Variants in NEDD4L observed in about 807,000 individuals in gnomAD.
NEDD4L encodes the protein E3 ubiquitin-protein ligase NEDD4-like.
NEDD4L carries 54 observed loss-of-function variants against 148.9 expected under a neutral mutation model. The observed-to-expected ratio is 0.36, with a 90% confidence interval of 0.29 to 0.45. The LOEUF (loss-of-function observed/expected upper bound fraction) is 0.45, where lower values mean the gene tolerates loss of function less well. NEDD4L is among the 20% of genes least tolerant of loss of function. The pLI, the probability that NEDD4L is intolerant of heterozygous loss-of-function variation, is 1.00. For synonymous variants in NEDD4L, 433 were observed against 440.7 expected (o/e 0.98, Z 0.22); for missense variants, 856 against 1,233.8 (o/e 0.69, Z 4.59).
At chr18:58,276,831 A>G (rs1263606426) in intron 5 of NEDD4L, among the ~76,000 whole-genome samples, 2 of 152,134 alleles carry the variant, frequency 1.3e-5, no homozygotes, top group African/African-American at 4.8e-5. Context: ...AAAGCCTTCC[A>G]TCTGCACTTG....
At chr18:58,352,973 G>A (rs2044107390) in intron 18 of NEDD4L, among the ~76,000 whole-genome samples, 1 of 152,242 alleles carries the variant, frequency 6.6e-6, no homozygotes, top group Admixed American at 6.5e-5. Flanking sequence ...TATTTCACTT[G>A]TGGTGTCATA....
chr18:58,385,812 C>T (rs960978260), intron 26 of NEDD4L, among the ~76,000 whole-genome samples: 1 of 151,960 alleles, frequency 6.6e-6, no homozygotes, highest in Admixed American at 6.6e-5. Context: ...ACGGGTTCTC[C>T]TGCTTGACTT....
In NEDD4L at chr18:58,397,828, G is replaced by A. The variant is rs138912535; in HGVS notation, c.*1559G>A. 3 of 152,602 alleles carry A rather than the reference G, an allele frequency of 2.0e-5. No individual in the cohort carries two copies. The highest frequency in any genetic ancestry group is 2.9e-5 in the Non-Finnish European group (2 of 68,042). The allele number at this position is 152,602 out of a possible 1,614,324, so 9.5% of individuals were successfully genotyped here. On this transcript the variant is annotated 3_prime_UTR_variant, in exon 31 of 31. Transcript: ENST00000400345. ...GACCCTGCTGTCCTTTTTAACCTGT[G>A]TTGTCCTAGACCCTGTCGGGGCAGT... is the stretch of plus-strand genomic sequence containing the variant.
intron 1 of NEDD4L, chr18:58,045,865 C>T (rs966953699): frequency 1.6e-4 from 24 of 152,278 alleles, no homozygotes; most frequent in African/African-American, 5.3e-4. Flanking sequence ...TCTCTTTCTT[C>T]CCCTCCCTCC....
intron 1 of NEDD4L, among the ~76,000 whole-genome samples, chr18:58,089,777 A>G (rs564739351): frequency 6.1e-4 from 92 of 151,636 alleles, no homozygotes; most frequent in African/African-American, 2.1e-3. Flanking sequence ...GCTCCCAGAC[A>G]GTCATCTTCT....
intron 2 of NEDD4L, among the ~76,000 whole-genome samples, chr18:58,206,164 G>A (rs189134978): frequency 7.2e-5 from 11 of 152,230 alleles, no homozygotes; most frequent in Middle Eastern, 3.4e-3. Flanking sequence ...CGAGGCAGGC[G>A]GATCACCTGA....
rs149256907 is a variant in NEDD4L at position 58,251,947 on chromosome 18, C to T, written c.244-54C>T. ...ATGTTATTCTTTCTGTTCCTTACGT[C>T]GCTGTTCAAATGATTCCTGCTCGTT... On this transcript the variant is annotated intron_variant, in intron 4 of 30. Coordinates refer to ENST00000400345, the MANE Select transcript of NEDD4L (RefSeq NM_001144967.3). 73 of 949,234 alleles carry T rather than the reference C, an allele frequency of 7.7e-5. 1 individual carries two copies. In the East Asian group the frequency reaches 1.6e-3, roughly 21 times the overall value. The allele number at this position is 949,234 out of a possible 1,614,324, so 58.8% of individuals were successfully genotyped here.
intron 2 of NEDD4L, among the ~76,000 whole-genome samples, chr18:58,173,662 C>G (rs77804546): frequency 0.011 from 1,702 of 152,214 alleles, 30 homozygotes; most frequent in African/African-American, 0.039. Flanking sequence ...CTGAAGTATT[C>G]AGAAGTGAAT....
intron 2 of NEDD4L, among the ~76,000 whole-genome samples, chr18:58,181,080 G>A (rs1027984722): frequency 8.5e-5 from 13 of 152,210 alleles, no homozygotes; most frequent in East Asian, 1.9e-4. Context: ...AGCCATTCTC[G>A]AATAGTGACA....
chr18:58,341,514 TC>T (rs2042417867), intron 14 of NEDD4L, among the ~76,000 whole-genome samples, 163 bp from the exon 15 acceptor site: 1 of 152,188 alleles, frequency 6.6e-6, no homozygotes, highest in African/African-American at 2.4e-5. Context: ...TGAATGTGTT[TC>T]CCCATCCTTT....
chr18:58,053,224 G>A (rs886772492), intron 1 of NEDD4L, among the ~76,000 whole-genome samples: 1 of 152,178 alleles, frequency 6.6e-6, no homozygotes, highest in East Asian at 1.9e-4. Flanking sequence ...GGCAGAGACC[G>A]TGTTCCCTGT....
intron 2 of NEDD4L, among the ~76,000 whole-genome samples, chr18:58,227,537 C>G (rs573023994): frequency 6.6e-6 from 1 of 152,096 alleles, no homozygotes. Context: ...TGCGGTCAGT[C>G]GAATTACCAG....
chr18:58,358,435 A>C (rs2045012615), intron 19 of NEDD4L, among the ~76,000 whole-genome samples: 1 of 152,224 alleles, frequency 6.6e-6, no homozygotes, highest in African/African-American at 2.4e-5. Context: ...CTACATCATT[A>C]GAACAAGGTA....
At chr18:58,385,694 C>A in intron 26 of NEDD4L, 108 bp downstream of exon 26, 1 of 897,902 alleles carries the variant, frequency 1.1e-6, no homozygotes. Flanking sequence ...GAGACAGAGG[C>A]GAGGCTGGGG....
intron 19 of NEDD4L, 143 bp downstream of exon 19, chr18:58,357,395 T>C (rs1053466772): frequency 2.5e-6 from 2 of 812,106 alleles, no homozygotes; most frequent in Admixed American, 1.8e-5. Context: ...TGCTGCCATC[T>C]CCTTACTGAA....
intron 1 of NEDD4L, among the ~76,000 whole-genome samples, chr18:58,101,786 TG>T (rs1275752107): frequency 6.6e-6 from 1 of 152,226 alleles, no homozygotes; most frequent in African/African-American, 2.4e-5. Context: ...TCATAGCAAA[TG>T]TCAACTGTAA....
chr18:58,087,050 G>A (rs965887048), intron 1 of NEDD4L, among the ~76,000 whole-genome samples: 3 of 152,212 alleles, frequency 2.0e-5, no homozygotes, highest in African/African-American at 7.2e-5. Context: ...TTAGACTTCT[G>A]TGGAGACTGC....
At chr18:58,257,047 A>G (rs907128638) in intron 5 of NEDD4L, among the ~76,000 whole-genome samples, 1 of 152,068 alleles carries the variant, frequency 6.6e-6, no homozygotes, top group East Asian at 1.9e-4. Context: ...CCCTGCTTTT[A>G]TTTTTCTGAA....
chr18:58,229,336 C>T lies in NEDD4L; in HGVS notation c.123-16091C>T, dbSNP rs571402973. 3.9e-5 allele frequency among the ~76,000 whole-genome samples: 6 copies of T among 152,262 alleles called. No individual in the cohort carries two copies. In the South Asian group the frequency reaches 6.2e-4, roughly 16 times the overall value. ...GCCACGCTGCAGGTAGGCATGCTCC[C>T]GGGACATTAGTTGCTCAGGTTTCAA... is the stretch of plus-strand genomic sequence containing the variant. On this transcript the variant is annotated intron_variant, in intron 2 of 30. Transcript: ENST00000400345.
Sources: gnomAD v4.1 joint callset for allele counts (sites outside exome capture counted in the v4.1 genomes callset) on GRCh38, gnomAD v4.1.1 for gene constraint, MANE v1.5 for transcripts, NCBI Gene and HGNC (gene_info 2026-07-23, HGNC 2026-07-21) for gene names.